The following GAB1 variants were observed in gnomAD, a reference collection of about 807,000 sequenced individuals.
GAB1 encodes the protein GRB2-associated-binding protein 1.
In GAB1, 19 loss-of-function variants were observed where a neutral mutation model predicts 66.5. That is an observed-to-expected ratio of 0.29 (90% CI 0.20 to 0.42). The LOEUF (loss-of-function observed/expected upper bound fraction) is 0.42. Among genes scored for constraint, GAB1 ranks in the 10% least tolerant of loss-of-function variants. The pLI is 1.00. For synonymous variants in GAB1, 294 were observed against 301.4 expected (o/e 0.98, Z 0.25); for missense variants, 732 against 858.5 (o/e 0.85, Z 1.84).
At chr4:143,417,928 A>T (rs1732783889) in intron 2 of GAB1, among the ~76,000 whole-genome samples, 2 of 149,418 alleles carry the variant, frequency 1.3e-5, no homozygotes, top group Admixed American at 1.3e-4. Flanking sequence ...AGTGCTGTAG[A>T]TACCATAAGG....
At chr4:143,423,696 G>C (rs550514380) in intron 2 of GAB1, among the ~76,000 whole-genome samples, 111 of 149,098 alleles carry the variant, frequency 7.4e-4, no homozygotes, top group African/African-American at 2.6e-3. Context: ...AGAATGGCGT[G>C]AACCCGGGAG....
chr4:143,364,592 C>T (rs886641097), intron 1 of GAB1, among the ~76,000 whole-genome samples: 10 of 152,134 alleles, frequency 6.6e-5, no homozygotes, highest in African/African-American at 9.7e-5. Context: ...AAGTCTGTCT[C>T]GGATGGGCCT....
Position 143,336,995 on chromosome 4 carries a change from G to T in GAB1, c.-194G>T. 1 of 568,018 alleles carries T rather than the reference G, an allele frequency of 1.8e-6. No homozygotes were observed. The highest frequency in any genetic ancestry group is 3.1e-6 in the Non-Finnish European group (1 of 319,868). 35.2% of individuals were successfully genotyped at this position (568,018 alleles called of 1,614,324 possible). A position where few individuals can be genotyped will look rare whatever the true frequency, so the allele number is the denominator to read the frequency against. The stretch of plus-strand genomic sequence containing the variant: ...CGGCCCCGGCTCGCGTTCTGTTCAG[G>T]TTCGTGGGCCTGCAGAGGAGAGACT... On this transcript the variant is annotated 5_prime_UTR_variant, in exon 1 of 10. Transcript: ENST00000262994.
chr4:143,356,082 G>T (rs377493146), intron 1 of GAB1, among the ~76,000 whole-genome samples: 123 of 152,012 alleles, frequency 8.1e-4, no homozygotes, highest in Non-Finnish European at 1.4e-3. Context: ...GGTCGGGGCC[G>T]GGGGGAGACT....
chr4:143,369,210 G>A (rs1457270710), intron 1 of GAB1, among the ~76,000 whole-genome samples: 1 of 151,628 alleles, frequency 6.6e-6, no homozygotes, highest in Admixed American at 6.6e-5. Context: ...CGGAGTGCTG[G>A]GATTACAGTT....
intron 1 of GAB1, among the ~76,000 whole-genome samples, chr4:143,345,458 C>G (rs890366251): frequency 1.3e-5 from 2 of 152,138 alleles, no homozygotes; most frequent in Admixed American, 1.3e-4. Context: ...AAATATTAAG[C>G]CTTTCTTTTT....
At position 143,470,653 on chromosome 4, in the gene GAB1, G is replaced by A. The variant is rs901409107; in HGVS notation, c.*1464G>A. The A allele has an allele frequency of 1.3e-5, 2 of 152,242 alleles. No individual in the cohort carries two copies. Among genetic ancestry groups the A allele is most frequent in the Non-Finnish European group, 2.9e-5 (2 of 68,042 alleles). 9.4% of individuals were successfully genotyped at this position (152,242 alleles called of 1,614,324 possible). On this transcript the variant is annotated 3_prime_UTR_variant, in exon 10 of 10. Coordinates refer to ENST00000262994, the MANE Select transcript of GAB1 (RefSeq NM_002039.4). ...TTAACCAAGTTACATACAATCTCAT[G>A]TACTGATTTGAGACTTATAACAATT...
At chr4:143,429,611 C>A (rs1475751250) in intron 2 of GAB1, among the ~76,000 whole-genome samples, 1 of 152,040 alleles carries the variant, frequency 6.6e-6, no homozygotes, top group Non-Finnish European at 1.5e-5. Flanking sequence ...AGGTTAGGAA[C>A]CCTGTACGGG....
chr4:143,464,827 A>G (rs1340672257), intron 8 of GAB1, among the ~76,000 whole-genome samples: 1 of 152,222 alleles, frequency 6.6e-6, no homozygotes, highest in Non-Finnish European at 1.5e-5. Context: ...ATATTTTCCT[A>G]GAAGTATCCT....
At chr4:143,420,753 T>A (rs1162568551) in intron 2 of GAB1, among the ~76,000 whole-genome samples, 1 of 152,014 alleles carries the variant, frequency 6.6e-6, no homozygotes, top group East Asian at 1.9e-4. Context: ...AATGCCCAGA[T>A]CATAGTGGCT....
At chr4:143,362,550 C>A (rs936711779) in intron 1 of GAB1, among the ~76,000 whole-genome samples, 1 of 152,150 alleles carries the variant, frequency 6.6e-6, no homozygotes, top group African/African-American at 2.4e-5. Context: ...CCAGAACTGA[C>A]AGTTTCTCCC....
At position 143,471,685 on chromosome 4, in the gene GAB1, G is replaced by A. The variant is rs570691740; in HGVS notation, c.*2496G>A. 1 of 152,178 alleles carries A rather than the reference G, an allele frequency of 6.6e-6. No individual in the cohort carries two copies. Among genetic ancestry groups the A allele is most frequent in the East Asian group, 1.9e-4 (1 of 5,186 alleles). 9.4% of individuals were successfully genotyped at this position (152,178 alleles called of 1,614,324 possible). A position where few individuals can be genotyped will look rare whatever the true frequency, so the allele number is the denominator to read the frequency against. ...AAAATTTTGATTCACACAAATGTAA[G>A]CAAAAATAATAGGTTTTAAACATAC... On this transcript the variant is annotated 3_prime_UTR_variant, in exon 10 of 10. Coordinates refer to ENST00000262994, the MANE Select transcript of GAB1 (RefSeq NM_002039.4).
intron 1 of GAB1, among the ~76,000 whole-genome samples, chr4:143,365,020 G>A (rs1349816741): frequency 2.6e-5 from 4 of 151,798 alleles, no homozygotes; most frequent in Non-Finnish European, 4.4e-5. Context: ...TGGGACTACA[G>A]GCGCCCGCCA....
At chr4:143,364,197 A>G (rs951479330) in intron 1 of GAB1, among the ~76,000 whole-genome samples, 1 of 152,034 alleles carries the variant, frequency 6.6e-6, no homozygotes, top group Non-Finnish European at 1.5e-5. Context: ...TCCAAAAAAA[A>G]AAAAAAAAAG....
intron 1 of GAB1, among the ~76,000 whole-genome samples, chr4:143,373,831 C>CTCTCTCTT (rs1730266347): frequency 9.2e-6 from 1 of 109,148 alleles, no homozygotes; most frequent in African/African-American, 3.5e-5. Flanking sequence ...CCCTCTCTCT[C>CTCTCTCTT]TCTCTCTCTC....
At chr4:143,349,124 C>T (rs1729085995) in intron 1 of GAB1, among the ~76,000 whole-genome samples, 1 of 152,184 alleles carries the variant, frequency 6.6e-6, no homozygotes, top group Admixed American at 6.5e-5. Context: ...CATGTTGTGA[C>T]TTTTGTGAGC....
chr4:143,444,483 GA>G (rs1734403883), intron 6 of GAB1, among the ~76,000 whole-genome samples: 1 of 152,170 alleles, frequency 6.6e-6, no homozygotes, highest in African/African-American at 2.4e-5. Context: ...GACTAATCCT[GA>G]GAGTTTCCCT....
chr4:143,439,816 G>C lies in GAB1; in HGVS notation c.1210G>C (p.Asp404His). The change falls in exon 5 of 10, where the codon GAC becomes CAC. Residue 404 changes from aspartate to histidine, a missense_variant. Physicochemically the swap from Asp to His is moderately conservative, Grantham distance 81. Around this residue, in one of 4 missense-constraint regions of GAB1, gnomAD observed 427 missense variants for 420.6 expected, o/e 1.02. Transcript: ENST00000262994. ...CTTTATTTTAGATGCTAGTTCTCAA[G>C]ACTGCTATGATATTCCACGAGCATT... is the stretch of plus-strand genomic sequence containing the variant. ...NKLRKDASSQ[D>H]CYDIPRAFPS... is the part of the protein sequence containing the mutation. 1 of 1,612,122 alleles carries C rather than the reference G, an allele frequency of 6.2e-7. No homozygotes were observed. The highest frequency in any genetic ancestry group is 8.5e-7 in the Non-Finnish European group (1 of 1,178,262).
At position 143,470,477 on chromosome 4, in the gene GAB1, C is replaced by T. The variant is rs1376363168; in HGVS notation, c.*1288C>T. The stretch of plus-strand genomic sequence containing the variant: ...TCATGGACTCCTTCCAACCAGATTT[C>T]TGAAAACACCAGAGGGATGGTATAA... On this transcript the variant is annotated 3_prime_UTR_variant, in exon 10 of 10. Coordinates refer to ENST00000262994, the MANE Select transcript of GAB1 (RefSeq NM_002039.4). The T allele has an allele frequency of 6.6e-6, 1 of 152,148 alleles. No homozygotes were observed. The highest frequency in any genetic ancestry group is 1.5e-5 in the Non-Finnish European group (1 of 68,018). 9.4% of individuals were successfully genotyped at this position (152,148 alleles called of 1,614,324 possible). A position where few individuals can be genotyped will look rare whatever the true frequency, so the allele number is the denominator to read the frequency against.
Sources: allele counts gnomAD v4.1 joint callset (sites outside exome capture counted in the v4.1 genomes callset), GRCh38; gene constraint gnomAD v4.1.1; regional missense constraint gnomAD v4.1.1; transcripts MANE v1.5; gene names NCBI Gene and HGNC (gene_info 2026-07-23, HGNC 2026-07-21).